The following EFCAB8 variants were observed in gnomAD, a reference collection of about 807,000 sequenced individuals.
EFCAB8 encodes the protein EF-hand calcium-binding domain-containing protein 8.
EFCAB8 carries 100 observed loss-of-function variants against 116.3 expected under a neutral mutation model. The ratio of observed to expected loss-of-function variants is 0.86; its 90% CI spans 0.73 to 1.02. EFCAB8 has a LOEUF of 1.02. Among genes scored for constraint, EFCAB8 ranks in the 50% least tolerant of loss-of-function variants. The pLI, the probability that EFCAB8 is intolerant of heterozygous loss-of-function variation, is 0.00. For missense variants in EFCAB8, 1,320 were observed against 1,416.9 expected, an observed-to-expected ratio of 0.93 and a Z score of 1.10; for synonymous variants, 558 against 567.9, an observed-to-expected ratio of 0.98 and a Z score of 0.25.
chr20:32,948,564 GAA>G (rs765457580), intron 23 of EFCAB8, among the ~76,000 whole-genome samples: 30 of 145,214 alleles, frequency 2.1e-4, no homozygotes, highest in African/African-American at 7.0e-4. Context: ...AAGAAAGAAA[GAA>G]AGAAAGAAAG....
chr20:32,895,869 C>T (rs779246432), intron 9 of EFCAB8, among the ~76,000 whole-genome samples: 47 of 152,130 alleles, frequency 3.1e-4, no homozygotes, highest in Non-Finnish European at 4.9e-4. Context: ...CCGTGCCTGG[C>T]CCAGGCTGGT....
chr20:32,866,357 G>A lies in EFCAB8; in HGVS notation c.43-1225G>A, dbSNP rs144004511. ...GCAATGTGTCTCAGTGAGCAGGACT[G>A]CCTGCCTGCCACTCAGGTCATCTAA... is the stretch of plus-strand genomic sequence containing the variant. On this transcript the variant is annotated intron_variant, in intron 2 of 26. Transcript: ENST00000400522. Among the ~76,000 whole-genome samples the A allele has an allele frequency of 5.9e-3, 905 of 152,296 alleles. 8 individuals carry two copies. Among genetic ancestry groups the A allele is most frequent in the African/African-American group, 0.02 (831 of 41,564 alleles).
intron 2 of EFCAB8, among the ~76,000 whole-genome samples, chr20:32,866,587 G>C (rs1984414178): frequency 6.6e-6 from 1 of 152,056 alleles, no homozygotes; most frequent in Non-Finnish European, 1.5e-5. Flanking sequence ...CCCCAGTGGA[G>C]GGGTCTGTAT....
At chr20:32,863,483 C>A (rs999313919) in intron 1 of EFCAB8, among the ~76,000 whole-genome samples, 11 of 152,192 alleles carry the variant, frequency 7.2e-5, no homozygotes, top group African/African-American at 2.7e-4. Flanking sequence ...CTTTAGGAAG[C>A]CTCTGGCATT....
At chr20:32,929,637 A>G (rs889785461) in intron 20 of EFCAB8, among the ~76,000 whole-genome samples, 7 of 151,150 alleles carry the variant, frequency 4.6e-5, no homozygotes, top group African/African-American at 1.7e-4. Context: ...CCACCATGAG[A>G]TTTTTGATAA....
chr20:32,878,848 G>A (rs1362211803), intron 5 of EFCAB8, 41 bp downstream of exon 5: 1 of 1,515,768 alleles, frequency 6.6e-7, no homozygotes, highest in East Asian at 2.5e-5. Flanking sequence ...TGGGGTGACT[G>A]GACAAGTGCT....
chr20:32,920,243 A>AT, intron 20 of EFCAB8, 28 bp downstream of exon 20: 1 of 1,550,776 alleles, frequency 6.4e-7, no homozygotes, highest in Non-Finnish European at 8.7e-7. Flanking sequence ...AGGGAGAGGG[A>AT]TATGAGCTGG....
chr20:32,859,162 G>T (rs1211937119), intron 1 of EFCAB8, among the ~76,000 whole-genome samples, 156 bp downstream of exon 1: 1 of 152,088 alleles, frequency 6.6e-6, no homozygotes, highest in Admixed American at 6.6e-5. Context: ...CTACAAATTC[G>T]TACAAACCAC....
At chr20:32,917,005 G>T (rs534819423) in intron 17 of EFCAB8, 1 of 340,216 alleles carries the variant, frequency 2.9e-6, no homozygotes, top group African/African-American at 2.1e-5. Context: ...AGGCCACAAT[G>T]TCCCCCCCCC....
chr20:32,890,848 G>T (rs1016639246), intron 7 of EFCAB8, among the ~76,000 whole-genome samples: 4 of 152,270 alleles, frequency 2.6e-5, no homozygotes, highest in African/African-American at 9.6e-5. Context: ...ACTCCAGGGT[G>T]AGTGTGGCTT....
intron 9 of EFCAB8, among the ~76,000 whole-genome samples, chr20:32,894,860 G>A (rs992015100): frequency 3.3e-5 from 5 of 152,302 alleles, no homozygotes; most frequent in Admixed American, 2.6e-4. Context: ...AAACCACAGC[G>A]CATCATAAAG....
intron 11 of EFCAB8, among the ~76,000 whole-genome samples, chr20:32,901,710 CAG>C (rs1387424712): frequency 6.6e-6 from 1 of 152,262 alleles, no homozygotes; most frequent in Non-Finnish European, 1.5e-5. Context: ...TTGATTGAGA[CAG>C]AGTCTTGCTG....
At chr20:32,939,183 CTTTCTTTCTTTCTTTCTTTCCT>C (rs1378940773) in intron 22 of EFCAB8, among the ~76,000 whole-genome samples, 10 of 76,534 alleles carry the variant, frequency 1.3e-4, no homozygotes, top group African/African-American at 2.3e-4. Flanking sequence ...TTCTTTCTTT[CTTTCTTTCTTTCTTTCTTTCCT>C]CTCTCTCTCT....
intron 14 of EFCAB8, among the ~76,000 whole-genome samples, chr20:32,908,707 G>A (rs1420555396): frequency 1.3e-5 from 2 of 152,218 alleles, no homozygotes; most frequent in Non-Finnish European, 2.9e-5. Flanking sequence ...CTTGTTAGGA[G>A]CCCTTCCTCC....
rs1007650563 is a variant in EFCAB8 at position 32,918,532 on chromosome 20, G to T, written c.2232G>T (p.Arg744=). 59 of 1,551,556 alleles carry T rather than the reference G, an allele frequency of 3.8e-5. No homozygotes were observed. The highest frequency in any genetic ancestry group is 5.1e-5 in the Non-Finnish European group (58 of 1,147,006). ...TGGTGTCGGCTCCCCCAGTGATGCG[G>T]TGCCCGAGAGACAAGGAGCCAGACA... is the stretch of plus-strand genomic sequence containing the variant. ...RSLVSAPPVM[R]CPRDKEPDRP... is the part of the protein sequence containing the mutation. Residue 744 remains arginine, a synonymous_variant, in exon 19 of 27, where the codon CGG becomes CGT. Transcript: ENST00000400522.
intron 22 of EFCAB8, among the ~76,000 whole-genome samples, chr20:32,933,615 C>A (rs373402155): frequency 1.3e-5 from 2 of 152,232 alleles, no homozygotes; most frequent in African/African-American, 4.8e-5. Context: ...TTCCCATTCT[C>A]TCTCCCTTAT....
chr20:32,951,784 C>T lies in EFCAB8; in HGVS notation c.2960-6637C>T, dbSNP rs532489506. ...TATTTTCTTGCACTTATTAGTTATC[C>T]ATATATCTTCTTTGATGCAATGCCT... On this transcript the variant is annotated intron_variant, in intron 23 of 26. Coordinates refer to ENST00000400522, the MANE Select transcript of EFCAB8 (RefSeq NM_001143967.2). 3.9e-5 allele frequency among the ~76,000 whole-genome samples: 6 copies of T among 151,972 alleles called. No individual in the cohort carries two copies. In the East Asian group the frequency reaches 9.7e-4, roughly 24 times the overall value.
chr20:32,905,527 C>T (rs1986632622), intron 11 of EFCAB8, among the ~76,000 whole-genome samples: 1 of 151,994 alleles, frequency 6.6e-6, no homozygotes, highest in Non-Finnish European at 1.5e-5. Context: ...CTTTGGGAGG[C>T]CATGGGTGGC....
In EFCAB8 at chr20:32,933,750, G is replaced by T. The variant is rs140419631; in HGVS notation, c.2790+2414G>T. ...TCCCAGTACTTTGGGAGGCCGAGGC[G>T]GGCAGATCACCTGAGGTCAGGAGTT... is the stretch of plus-strand genomic sequence containing the variant. On this transcript the variant is annotated intron_variant, in intron 22 of 26. Transcript: ENST00000400522. 2.2e-3 allele frequency among the ~76,000 whole-genome samples: 335 copies of T among 152,242 alleles called. 2 individuals are homozygous for T. Among genetic ancestry groups the T allele is most frequent in the African/African-American group, 7.9e-3 (330 of 41,536 alleles).
Sources: allele counts gnomAD v4.1 joint callset (sites outside exome capture counted in the v4.1 genomes callset), GRCh38; gene constraint gnomAD v4.1.1; transcripts MANE v1.5; gene names NCBI Gene and HGNC (gene_info 2026-07-23, HGNC 2026-07-21).